Variants in ADK observed in about 807,000 individuals in gnomAD.
The protein encoded by ADK is adenosine kinase.
In ADK, 24 loss-of-function variants were observed where a neutral mutation model predicts 44.7. That is an observed-to-expected ratio of 0.54 (90% CI 0.39 to 0.76). The LOEUF (loss-of-function observed/expected upper bound fraction) is 0.76. ADK is among the 30% of genes least tolerant of loss of function. The probability of loss-of-function intolerance (pLI) is 0.00; values close to 1 mark genes in which losing one functional copy is unlikely to be tolerated. For missense variants in ADK, 321 were observed against 425.1 expected, an observed-to-expected ratio of 0.76 and a Z score of 2.15; for synonymous variants, 128 against 142.6, an observed-to-expected ratio of 0.90 and a Z score of 0.73.
At chr10:74,331,148 A>T (rs1189175210) in intron 4 of ADK, among the ~76,000 whole-genome samples, 1 of 152,224 alleles carries the variant, frequency 6.6e-6, no homozygotes, top group Non-Finnish European at 1.5e-5. Context: ...TGTAACCAGT[A>T]TACTGGTATA....
chr10:74,323,116 T>A (rs1360405560), intron 4 of ADK, among the ~76,000 whole-genome samples: 1 of 152,186 alleles, frequency 6.6e-6, no homozygotes, highest in African/African-American at 2.4e-5. Flanking sequence ...CAAAGCTTCA[T>A]CAAGAAATAC....
chr10:74,285,452 A>G (rs954022045), intron 3 of ADK, among the ~76,000 whole-genome samples: 7 of 152,232 alleles, frequency 4.6e-5, no homozygotes, highest in African/African-American at 1.7e-4. Context: ...GAAGCATAGT[A>G]TGTGAGATGG....
At chr10:74,418,928 A>G (rs937291293) in intron 6 of ADK, among the ~76,000 whole-genome samples, 1 of 152,204 alleles carries the variant, frequency 6.6e-6, no homozygotes, top group Non-Finnish European at 1.5e-5. Flanking sequence ...GATTGTTTGC[A>G]TGGACTCTAC....
At chr10:74,529,962 CAG>C (rs1051661019) in intron 7 of ADK, among the ~76,000 whole-genome samples, 33 of 152,142 alleles carry the variant, frequency 2.2e-4, no homozygotes, top group Admixed American at 2.0e-3. Context: ...CTTAAGTAAA[CAG>C]TGATTTAGAT....
chr10:74,633,226 C>G (rs1371289675), intron 9 of ADK, among the ~76,000 whole-genome samples: 1 of 152,176 alleles, frequency 6.6e-6, no homozygotes, highest in Non-Finnish European at 1.5e-5. Context: ...TGAACCAATG[C>G]TTCCACTGAA....
intron 6 of ADK, among the ~76,000 whole-genome samples, chr10:74,462,238 T>C (rs1366120848): frequency 6.6e-6 from 1 of 152,030 alleles, no homozygotes; most frequent in East Asian, 1.9e-4. Context: ...AGATAGTTTC[T>C]CTGAATTATT....
chr10:74,400,430 T>C (rs1843668109), intron 6 of ADK, among the ~76,000 whole-genome samples: 1 of 152,198 alleles, frequency 6.6e-6, no homozygotes, highest in Non-Finnish European at 1.5e-5. Context: ...ATTTACTTGG[T>C]GAATAACTAA....
chr10:74,543,606 A>G (rs1849725947), intron 7 of ADK, among the ~76,000 whole-genome samples: 1 of 152,232 alleles, frequency 6.6e-6, no homozygotes, highest in African/African-American at 2.4e-5. Flanking sequence ...TTCCTCTCCA[A>G]AATAATTAGA....
intron 4 of ADK, chr10:74,372,508 A>T: frequency 2.6e-6 from 1 of 390,190 alleles, no homozygotes; most frequent in Non-Finnish European, 4.8e-6. Flanking sequence ...GCATTCAGCA[A>T]GGTTGACAGA....
chr10:74,391,106 CTAAA>C (rs1439856525), intron 4 of ADK, among the ~76,000 whole-genome samples: 9 of 152,264 alleles, frequency 5.9e-5, no homozygotes, highest in East Asian at 3.9e-4. Flanking sequence ...AATAAACCTA[CTAAA>C]TAAAGTTTGA....
At chr10:74,507,306 C>T (rs951923286) in intron 6 of ADK, among the ~76,000 whole-genome samples, 1 of 152,090 alleles carries the variant, frequency 6.6e-6, no homozygotes, top group Non-Finnish European at 1.5e-5. Flanking sequence ...TTTCTTTTTT[C>T]TCTTTTTTTC....
At chr10:74,209,296 C>A (rs1454996902) in intron 2 of ADK, among the ~76,000 whole-genome samples, 1 of 152,084 alleles carries the variant, frequency 6.6e-6, no homozygotes, top group Non-Finnish European at 1.5e-5. Flanking sequence ...CAACAAGGTT[C>A]CATGTTAGAA....
intron 6 of ADK, among the ~76,000 whole-genome samples, chr10:74,492,918 G>A (rs1847539503): frequency 6.6e-6 from 1 of 151,948 alleles, no homozygotes; most frequent in Non-Finnish European, 1.5e-5. Context: ...GATCTCTTGT[G>A]GGAAGATACT....
At chr10:74,597,831 G>A (rs555516466) in intron 8 of ADK, among the ~76,000 whole-genome samples, 1 of 152,104 alleles carries the variant, frequency 6.6e-6, no homozygotes, top group African/African-American at 2.4e-5. Context: ...TACTACTTTG[G>A]GGCTATGGAA....
At chr10:74,396,288 CT>C (rs1843506068) in intron 5 of ADK, among the ~76,000 whole-genome samples, 1 of 152,124 alleles carries the variant, frequency 6.6e-6, no homozygotes. Flanking sequence ...AATCCTAACA[CT>C]TTAGGAGACC....
intron 6 of ADK, among the ~76,000 whole-genome samples, chr10:74,440,742 A>G (rs1845377594): frequency 6.6e-6 from 1 of 152,144 alleles, no homozygotes; most frequent in South Asian, 2.1e-4. Context: ...TTCAGCGCAT[A>G]ATTGTATATG....
intron 9 of ADK, among the ~76,000 whole-genome samples, chr10:74,634,315 C>T (rs370181648): frequency 5.3e-5 from 8 of 151,986 alleles, no homozygotes; most frequent in South Asian, 4.1e-4. Flanking sequence ...CCCCAGTTCA[C>T]GCCATTCTCC....
rs190508960 is a variant in ADK, at chr10:74,696,202, G to A, written c.965-12119G>A. Among the ~76,000 whole-genome samples the A allele has an allele frequency of 8.6e-3, 1,304 of 151,694 alleles. 21 individuals are homozygous for A. The highest frequency in any genetic ancestry group is 0.03 in the African/African-American group (1,241 of 41,370). On this transcript the variant is annotated intron_variant, in intron 10 of 10. Transcript: ENST00000539909. ...CACCTGGCTAATTTTTGTATTTTTA[G>A]TAGAGATGGGGTTTCACCATGTTGG... is the stretch of plus-strand genomic sequence containing the variant.
chr10:74,619,012 TTGTGTG>T (rs56168944), intron 9 of ADK, among the ~76,000 whole-genome samples: 8,844 of 139,416 alleles, frequency 0.063, 336 homozygotes, highest in African/African-American at 0.083. Context: ...TTTATGCTCT[TTGTGTG>T]TGTGTGTGTG....
Sources: allele counts gnomAD v4.1 joint callset (sites outside exome capture counted in the v4.1 genomes callset), GRCh38; gene constraint gnomAD v4.1.1; transcripts MANE v1.5; gene names NCBI Gene and HGNC (gene_info 2026-07-23, HGNC 2026-07-21).